The following TNIK variants were observed in gnomAD, a reference collection of about 807,000 sequenced individuals.
The protein encoded by TNIK is TRAF2 and NCK-interacting protein kinase.
In TNIK, 49 loss-of-function variants were observed where a neutral mutation model predicts 191.3. The ratio of observed to expected loss-of-function variants is 0.26; its 90% CI spans 0.20 to 0.32. The LOEUF is 0.32. Ranked by LOEUF, TNIK falls within the 10% of genes least tolerant of loss-of-function variation. The pLI is 1.00. For synonymous variants in TNIK, 594 were observed against 600.9 expected (o/e 0.99, Z 0.17); for missense variants, 1,155 against 1,702.3 (o/e 0.68, Z 5.66).
intron 7 of TNIK, among the ~76,000 whole-genome samples, chr3:171,186,843 C>G (rs1377097141): frequency 2.6e-5 from 4 of 152,204 alleles, no homozygotes; most frequent in African/African-American, 9.6e-5. Flanking sequence ...ATGCACTGGT[C>G]TCACACCATT....
intron 3 of TNIK, among the ~76,000 whole-genome samples, chr3:171,216,737 A>ATAC (rs1741499451): frequency 6.6e-6 from 1 of 152,198 alleles, no homozygotes; most frequent in African/African-American, 2.4e-5. Context: ...GGGTCAAGTT[A>ATAC]TGCAGCTTTG....
At chr3:171,230,556 C>T (rs1425263548) in intron 2 of TNIK, among the ~76,000 whole-genome samples, 1 of 152,150 alleles carries the variant, frequency 6.6e-6, no homozygotes, top group African/African-American at 2.4e-5. Context: ...TGCTCTTACT[C>T]TGTGGACCTT....
Position 171,200,334 on chromosome 3 carries a change from A to G in TNIK, c.307-5699T>C, listed in dbSNP as rs557426448. Among the ~76,000 whole-genome samples the G allele has an allele frequency of 4.6e-5, 7 of 152,354 alleles. No individual in the cohort carries two copies. In the East Asian group the frequency reaches 7.7e-4, roughly 17 times the overall value. On this transcript the variant is annotated intron_variant, in intron 4 of 32. Coordinates refer to ENST00000436636, the MANE Select transcript of TNIK (RefSeq NM_015028.4). ...GAGCCTGGAGGAGGTGTCCAAAAAA[A>G]GCACAGTGTGGAGCAACCAACTTAT...
At chr3:171,122,366 C>T (rs10513692) in intron 18 of TNIK, among the ~76,000 whole-genome samples, 9,218 of 152,228 alleles carry the variant, frequency 0.061, 947 homozygotes, top group African/African-American at 0.21. Flanking sequence ...CTAACGTTCC[C>T]TTGGCTGCCT....
chr3:171,218,316 T>C (rs1741706473), intron 3 of TNIK, among the ~76,000 whole-genome samples: 1 of 152,128 alleles, frequency 6.6e-6, no homozygotes, highest in Non-Finnish European at 1.5e-5. Flanking sequence ...TTGACATATG[T>C]CTTTCTCATA....
At position 171,087,331 on chromosome 3, in the gene TNIK, C is replaced by G; in HGVS notation, c.2886+11G>C. On this transcript the variant is annotated intron_variant, in intron 24 of 32. Coordinates refer to ENST00000436636, the MANE Select transcript of TNIK (RefSeq NM_015028.4). ...GCAGAACTGTCATGTCAGCTGTTGC[C>G]CAGCACCTACTTCAGTCCCAGAGTC... 1.2e-6 allele frequency: 2 copies of G among 1,613,640 alleles called. No homozygotes were observed. The highest frequency in any genetic ancestry group is 2.2e-5 in the South Asian group (2 of 91,054).
intron 13 of TNIK, among the ~76,000 whole-genome samples, chr3:171,139,892 A>G (rs753982343): frequency 6.6e-6 from 1 of 152,232 alleles, no homozygotes; most frequent in Non-Finnish European, 1.5e-5. Context: ...AATGCTATAA[A>G]GTTCAGAGGC....
intron 2 of TNIK, among the ~76,000 whole-genome samples, chr3:171,276,640 G>A (rs1024718217): frequency 5.9e-5 from 9 of 152,136 alleles, no homozygotes; most frequent in Non-Finnish European, 1.3e-4. Flanking sequence ...AGACTTAAAT[G>A]TACTTACAAA....
intron 1 of TNIK, among the ~76,000 whole-genome samples, chr3:171,414,169 C>T (rs985054400): frequency 1.3e-5 from 2 of 152,184 alleles, no homozygotes; most frequent in African/African-American, 4.8e-5. Flanking sequence ...GCTGTTTCTA[C>T]TTTATTAAGC....
At chr3:171,112,330 C>T (rs1304316597) in intron 18 of TNIK, among the ~76,000 whole-genome samples, 2 of 152,194 alleles carry the variant, frequency 1.3e-5, no homozygotes, top group Admixed American at 1.3e-4. Flanking sequence ...CAGAAGATGA[C>T]AGTCATGCCT....
intron 2 of TNIK, among the ~76,000 whole-genome samples, chr3:171,339,266 T>C (rs1253389915): frequency 1.3e-5 from 2 of 152,222 alleles, no homozygotes; most frequent in Non-Finnish European, 1.5e-5. Flanking sequence ...AAAGATGCAC[T>C]TGTAGGCTCT....
intron 2 of TNIK, among the ~76,000 whole-genome samples, chr3:171,242,475 G>A (rs570251030): frequency 2.6e-5 from 4 of 151,404 alleles, no homozygotes; most frequent in Non-Finnish European, 5.9e-5. Flanking sequence ...TGGGTCTTAG[G>A]TACTTGCCTA....
intron 2 of TNIK, among the ~76,000 whole-genome samples, chr3:171,264,278 T>A (rs917548897): frequency 2.2e-4 from 34 of 151,820 alleles, no homozygotes; most frequent in African/African-American, 8.2e-4. Context: ...AAAAGAATTG[T>A]ATGTTTTATA....
intron 2 of TNIK, among the ~76,000 whole-genome samples, chr3:171,362,225 T>C (rs1297920920): frequency 6.6e-5 from 10 of 152,202 alleles, no homozygotes; most frequent in Non-Finnish European, 1.5e-5. Context: ...GACATTGGCT[T>C]TTTTAAGCAC....
At chr3:171,199,621 T>TA (rs1739166072) in intron 4 of TNIK, among the ~76,000 whole-genome samples, 1 of 152,222 alleles carries the variant, frequency 6.6e-6, no homozygotes, top group Admixed American at 6.5e-5. Flanking sequence ...CTACACTCAT[T>TA]AAGTAACTTG....
At chr3:171,195,853 T>C (rs1452481988) in intron 4 of TNIK, among the ~76,000 whole-genome samples, 1 of 151,970 alleles carries the variant, frequency 6.6e-6, no homozygotes, top group East Asian at 1.9e-4. Context: ...TCCAACCAGA[T>C]AAAAGTTGGG....
At chr3:171,080,311 T>G (rs545011133) in intron 27 of TNIK, among the ~76,000 whole-genome samples, 1 of 152,352 alleles carries the variant, frequency 6.6e-6, no homozygotes, top group East Asian at 1.9e-4. Flanking sequence ...TTTGATGATT[T>G]GCACCAGATA....
intron 18 of TNIK, among the ~76,000 whole-genome samples, chr3:171,116,897 A>G (rs60148873): frequency 0.036 from 5,520 of 152,324 alleles, 243 homozygotes; most frequent in African/African-American, 0.097. Flanking sequence ...AGGAGTTTAC[A>G]TAGCAGGTGA....
At chr3:171,347,108 A>G in intron 2 of TNIK, 1 of 1,505,950 alleles carries the variant, frequency 6.6e-7, no homozygotes, top group Non-Finnish European at 8.8e-7. Flanking sequence ...GGAACCATTT[A>G]GGAAATAGGA....
Sources: gnomAD v4.1 joint callset for allele counts (sites outside exome capture counted in the v4.1 genomes callset) on GRCh38, gnomAD v4.1.1 for gene constraint, MANE v1.5 for transcripts, NCBI Gene and HGNC (gene_info 2026-07-23, HGNC 2026-07-21) for gene names.